The following AKAP6 variants were observed in gnomAD, a reference collection of about 807,000 sequenced individuals.
AKAP6 encodes the protein A-kinase anchoring protein 6.
In AKAP6, 58 loss-of-function variants were observed where a neutral mutation model predicts 188.5. The ratio of observed to expected loss-of-function variants is 0.31; its 90% confidence interval spans 0.25 to 0.38. The LOEUF is 0.38. Ranked by LOEUF, AKAP6 falls within the 10% of genes least tolerant of loss-of-function variation. The probability of loss-of-function intolerance (pLI) is 1.00; values close to 1 mark genes in which losing one functional copy is unlikely to be tolerated. For missense variants in AKAP6, 2,710 were observed against 2,740.0 expected, an observed-to-expected ratio of 0.99 and a Z score of 0.24; for synonymous variants, 989 against 998.6, an observed-to-expected ratio of 0.99 and a Z score of 0.18.
At chr14:32,406,640 A>C (rs1193872394) in intron 1 of AKAP6, among the ~76,000 whole-genome samples, 1 of 152,238 alleles carries the variant, frequency 6.6e-6, no homozygotes, top group Non-Finnish European at 1.5e-5. Flanking sequence ...ACTTTTGGTC[A>C]GTTTATTATT....
chr14:32,741,018 C>CTTT (rs765988445), intron 11 of AKAP6, among the ~76,000 whole-genome samples: 111 of 136,742 alleles, frequency 8.1e-4, no homozygotes, highest in African/African-American at 3.0e-3. Flanking sequence ...TTCCTTTTTT[C>CTTT]TTTTTTTTTT....
At chr14:32,726,212 A>T in intron 9 of AKAP6, 2 of 983,406 alleles carry the variant, frequency 2.0e-6, no homozygotes, top group Non-Finnish European at 2.4e-6. Context: ...ACTGCAGACT[A>T]AGGAGAAAAC....
At chr14:32,522,895 T>A (rs1294808021) in intron 2 of AKAP6, among the ~76,000 whole-genome samples, 1 of 152,228 alleles carries the variant, frequency 6.6e-6, no homozygotes, top group Non-Finnish European at 1.5e-5. Context: ...AATGGGGCAC[T>A]ATTCACAATA....
At chr14:32,498,495 G>A (rs1880441551) in intron 2 of AKAP6, among the ~76,000 whole-genome samples, 1 of 151,896 alleles carries the variant, frequency 6.6e-6, no homozygotes, top group South Asian at 2.1e-4. Context: ...TTATATTAAG[G>A]GAAAATTCCA....
intron 11 of AKAP6, among the ~76,000 whole-genome samples, chr14:32,754,242 T>A (rs1228098006): frequency 1.3e-5 from 2 of 152,102 alleles, no homozygotes; most frequent in East Asian, 3.9e-4. Context: ...TACGCCTTTA[T>A]CATTATAAAA....
At chr14:32,624,706 C>A (rs1886945200) in intron 7 of AKAP6, among the ~76,000 whole-genome samples, 1 of 152,012 alleles carries the variant, frequency 6.6e-6, no homozygotes, top group Non-Finnish European at 1.5e-5. Context: ...GACAAACAAC[C>A]CTATAATTAG....
At chr14:32,466,608 G>T (rs1198403379) in intron 2 of AKAP6, among the ~76,000 whole-genome samples, 1 of 151,504 alleles carries the variant, frequency 6.6e-6, no homozygotes, top group Non-Finnish European at 1.5e-5. Context: ...AGAGCATTAG[G>T]ACCAATACCT....
chr14:32,709,315 AT>A (rs35211792), intron 9 of AKAP6, among the ~76,000 whole-genome samples: 24 of 148,708 alleles, frequency 1.6e-4, no homozygotes, highest in South Asian at 4.3e-4. Context: ...GAGCACAACG[AT>A]TTTTTTTTTT....
chr14:32,384,715 T>A (rs1479034524), intron 1 of AKAP6, among the ~76,000 whole-genome samples: 3 of 152,214 alleles, frequency 2.0e-5, no homozygotes, highest in Non-Finnish European at 2.9e-5. Flanking sequence ...CACCCTTCAA[T>A]GAGCTCCCTG....
At chr14:32,420,477 G>A (rs1007751725) in intron 1 of AKAP6, among the ~76,000 whole-genome samples, 3 of 151,804 alleles carry the variant, frequency 2.0e-5, no homozygotes, top group African/African-American at 4.8e-5. Flanking sequence ...CACTATTTAA[G>A]TGCAGTTGGT....
rs2034597875 is a variant in AKAP6, at chr14:32,823,783, A to G, written c.5970A>G (p.Glu1990=). Residue 1990 remains glutamate (E), a synonymous_variant, in exon 13 of 14, where the codon GAA becomes GAG. Transcript: ENST00000280979. ...AGTCTTTCTCAGAACTGGCTTTAGA[A>G]ACCAGGTTTAACAACAGACAAGACT... ...TEKSFSELAL[E]TRFNNRQDSD... is the part of the protein sequence containing the mutation. 1 of 1,613,460 alleles carries G rather than the reference A, an allele frequency of 6.2e-7. No homozygotes were observed. The highest frequency in any genetic ancestry group is 1.3e-5 in the African/African-American group (1 of 74,894).
At chr14:32,356,566 T>G (rs1408052316) in intron 1 of AKAP6, among the ~76,000 whole-genome samples, 1 of 152,134 alleles carries the variant, frequency 6.6e-6, no homozygotes, top group Non-Finnish European at 1.5e-5. Context: ...AAAATCTGAG[T>G]GTATCATTTC....
chr14:32,773,127 T>G (rs2032949689), intron 11 of AKAP6, among the ~76,000 whole-genome samples: 1 of 152,210 alleles, frequency 6.6e-6, no homozygotes, highest in African/African-American at 2.4e-5. Context: ...ACATTATTGC[T>G]TTGTTAATCA....
intron 11 of AKAP6, among the ~76,000 whole-genome samples, chr14:32,741,468 C>G (rs2031668952): frequency 6.6e-6 from 1 of 151,944 alleles, no homozygotes; most frequent in Admixed American, 6.6e-5. Context: ...TCAGTTTTCT[C>G]CCGTTCAATG....
chr14:32,415,447 A>G (rs189234312), intron 1 of AKAP6, among the ~76,000 whole-genome samples: 65 of 152,326 alleles, frequency 4.3e-4, no homozygotes, highest in Admixed American at 1.9e-3. Context: ...ACTTTTATCT[A>G]TCCATACTTA....
At chr14:32,582,115 T>C (rs1381390918) in intron 5 of AKAP6, among the ~76,000 whole-genome samples, 1 of 151,800 alleles carries the variant, frequency 6.6e-6, no homozygotes, top group African/African-American at 2.4e-5. Context: ...TTTGGCATGA[T>C]TTTGCAGTGG....
intron 7 of AKAP6, among the ~76,000 whole-genome samples, chr14:32,638,505 CAGG>C (rs1444868966): frequency 6.6e-5 from 10 of 152,092 alleles, no homozygotes; most frequent in Non-Finnish European, 1.3e-4. Flanking sequence ...AGCATACAAT[CAGG>C]AGATGATTGC....
At chr14:32,705,529 T>G (rs1316306842) in intron 9 of AKAP6, among the ~76,000 whole-genome samples, 10 of 152,182 alleles carry the variant, frequency 6.6e-5, no homozygotes, top group African/African-American at 2.2e-4. Context: ...AGTAAGATTT[T>G]ACTAATAAAT....
At chr14:32,614,023 C>T (rs1045662600) in intron 7 of AKAP6, among the ~76,000 whole-genome samples, 1 of 152,180 alleles carries the variant, frequency 6.6e-6, no homozygotes. Flanking sequence ...AACTTTTTAA[C>T]TATTACTATT....
Sources: allele counts gnomAD v4.1 joint callset (sites outside exome capture counted in the v4.1 genomes callset), GRCh38; gene constraint gnomAD v4.1.1; transcripts MANE v1.5; gene names NCBI Gene and HGNC (gene_info 2026-07-23, HGNC 2026-07-21).